EIF5: variants seen among roughly 807,000 people sequenced by gnomAD.
EIF5 encodes the protein eukaryotic translation initiation factor 5.
In EIF5, 10 loss-of-function variants were observed where a neutral mutation model predicts 48.3. The observed-to-expected ratio is 0.21, with a 90% CI of 0.13 to 0.35. The LOEUF is 0.35. EIF5 is among the 10% of genes least tolerant of loss of function. EIF5 has a pLI of 1.00. For missense variants in EIF5, 397 were observed against 533.2 expected, an observed-to-expected ratio of 0.74 and a Z score of 2.51; for synonymous variants, 237 against 173.1, an observed-to-expected ratio of 1.37 and a Z score of -2.90.
chr14:103,339,025 A>G, intron 8 of EIF5, 132 bp downstream of exon 8: 1 of 1,479,388 alleles, frequency 6.8e-7, no homozygotes. Context: ...TCATTTAAAT[A>G]TTTTTTGCGC....
chr14:103,339,610 A>G (rs746314881), intron 9 of EIF5, 29 bp from the exon 10 acceptor site: 2 of 1,613,656 alleles, frequency 1.2e-6, no homozygotes, highest in Non-Finnish European at 1.7e-6. Context: ...CATAAAAAAG[A>G]TTGTTAACAC....
rs754805671 is a variant in EIF5, at chr14:103,342,023, AGTTT to A, written c.*975_*978del. ...TGTGGCTTTAATTTTCCCCTCTTGCAGTTTGTTCTGTAATGCCTTTTACATTTGG... is the reference window on the plus strand; with the variant it reads ...TGTGGCTTTAATTTTCCCCTCTTGCAGTTCTGTAATGCCTTTTACATTTGG... On this transcript the variant is annotated 3_prime_UTR_variant, in exon 12 of 12. Transcript: ENST00000216554. The A allele has an allele frequency of 1.3e-5, 2 of 152,522 alleles. No individual in the cohort carries two copies. The highest frequency in any genetic ancestry group is 1.3e-4 in the Admixed American group (2 of 15,268). 9.4% of individuals were successfully genotyped at this position (152,522 alleles called of 1,614,324 possible). A position where few individuals can be genotyped will look rare whatever the true frequency, so the allele number is the denominator to read the frequency against.
chr14:103,337,852 C>A (rs1397736557), intron 6 of EIF5: 8 of 517,398 alleles, frequency 1.5e-5, no homozygotes, highest in South Asian at 1.1e-4. Flanking sequence ...ATATTGCAAG[C>A]AACACTCTGT....
chr14:103,339,507 A>ATG (rs2089328100), intron 9 of EIF5, 132 bp from the exon 10 acceptor site: 1 of 1,431,956 alleles, frequency 7.0e-7, no homozygotes, highest in South Asian at 1.3e-5. Flanking sequence ...AGTAACAGGG[A>ATG]TGTTTATGCA....
Position 103,344,465 on chromosome 14 carries a change from T to C in EIF5, c.*3413T>C, listed in dbSNP as rs140854290. The C allele has an allele frequency of 0.013, 2,012 of 152,252 alleles. 24 individuals carry two copies. The highest frequency in any genetic ancestry group is 0.019 in the Non-Finnish European group (1,306 of 68,036). 9.4% of individuals were successfully genotyped at this position (152,252 alleles called of 1,614,324 possible). A position where few individuals can be genotyped will look rare whatever the true frequency, so the allele number is the denominator to read the frequency against. On this transcript the variant is annotated 3_prime_UTR_variant, in exon 12 of 12. Coordinates refer to ENST00000216554, the MANE Select transcript of EIF5 (RefSeq NM_001969.5). ...GGTTATGCAGTCAATTATTTCTTTT[T>C]AAGAGGAGGAGGATTCACTTGGGTG...
chr14:103,340,313 T>G (rs1331952339), intron 10 of EIF5, 114 bp from the exon 11 acceptor site: 5 of 1,142,858 alleles, frequency 4.4e-6, no homozygotes, highest in Non-Finnish European at 6.3e-6. Flanking sequence ...TGATTCTGTT[T>G]GAGGATTCAG....
In EIF5 at chr14:103,343,655, A is replaced by G. The variant is rs1275285564; in HGVS notation, c.*2603A>G. 1 of 152,206 alleles carries G rather than the reference A, an allele frequency of 6.6e-6. No individual in the cohort carries two copies. The highest frequency in any genetic ancestry group is 2.4e-5 in the African/African-American group (1 of 41,444). The allele number at this position is 152,206 out of a possible 1,614,324, so 9.4% of individuals were successfully genotyped here. ...AGCTGTTTGTTCCAGTGTACCAAGCACTGACTTTATGCCTTTGGCCTGGAG... is the reference window on the plus strand; with the variant it reads ...AGCTGTTTGTTCCAGTGTACCAAGCGCTGACTTTATGCCTTTGGCCTGGAG... On this transcript the variant is annotated 3_prime_UTR_variant, in exon 12 of 12. Coordinates refer to ENST00000216554, the MANE Select transcript of EIF5 (RefSeq NM_001969.5).
rs1244757369 is a variant in EIF5, at chr14:103,341,103, A to G, written c.*51A>G. 1.3e-6 allele frequency: 2 copies of G among 1,563,346 alleles called. No individual in the cohort carries two copies. Among genetic ancestry groups the G allele is most frequent in the Non-Finnish European group, 1.8e-6 (2 of 1,135,030 alleles). On this transcript the variant is annotated 3_prime_UTR_variant, in exon 12 of 12. Coordinates refer to ENST00000216554, the MANE Select transcript of EIF5 (RefSeq NM_001969.5). ...AGTATAATGCTGCAAATTTTCCTCC[A>G]TTATCAGCCAGAAGTGCAACATGTA... is the stretch of plus-strand genomic sequence containing the variant.
rs1041833782 is a variant in EIF5, at chr14:103,344,098, T to A, written c.*3046T>A. 2.0e-5 allele frequency: 3 copies of A among 152,188 alleles called. No individual in the cohort carries two copies. The highest frequency in any genetic ancestry group is 1.3e-4 in the Admixed American group (2 of 15,282). 9.4% of individuals were successfully genotyped at this position (152,188 alleles called of 1,614,324 possible). A position where few individuals can be genotyped will look rare whatever the true frequency, so the allele number is the denominator to read the frequency against. Reference sequence around the variant, plus strand: ...CAGGGAGTCACTTTGGTCATCTCTGTCCCCAGTACAGATCTTGATTCATAG... The same window carrying A: ...CAGGGAGTCACTTTGGTCATCTCTGACCCCAGTACAGATCTTGATTCATAG... On this transcript the variant is annotated 3_prime_UTR_variant, in exon 12 of 12. Transcript: ENST00000216554.
intron 8 of EIF5, 61 bp from the exon 9 acceptor site, chr14:103,339,111 G>T: frequency 6.4e-7 from 1 of 1,550,574 alleles, no homozygotes; most frequent in Non-Finnish European, 8.7e-7. Flanking sequence ...GGACTGGCTG[G>T]TGTCTTGAGC....
In EIF5 at chr14:103,337,285, C is replaced by A. The variant is rs143266217; in HGVS notation, c.439+58C>A. On this transcript the variant is annotated intron_variant, in intron 6 of 11. Coordinates refer to ENST00000216554, the MANE Select transcript of EIF5 (RefSeq NM_001969.5). Reference sequence around the variant, plus strand: ...AAGATAAGTTACTAACTGTTGGGAACAAAATAGAAGGTTTTTTTGTAATAG... The same window carrying A: ...AAGATAAGTTACTAACTGTTGGGAAAAAAATAGAAGGTTTTTTTGTAATAG... The A allele has an allele frequency of 1.0e-3, 1,481 of 1,431,068 alleles. 13 individuals carry two copies. The African/African-American group carries it at 0.019, about 18-fold the overall frequency. The allele number at this position is 1,431,068 out of a possible 1,614,324, so 88.6% of individuals were successfully genotyped here. A position where few individuals can be genotyped will look rare whatever the true frequency, so the allele number is the denominator to read the frequency against.
intron 5 of EIF5, 59 bp from the exon 6 acceptor site, chr14:103,337,057 T>G: frequency 2.0e-6 from 3 of 1,488,442 alleles, no homozygotes; most frequent in Non-Finnish European, 2.7e-6. Context: ...GGTTTAGATG[T>G]CCTCTGATTA....
chr14:103,338,382 C>T lies in EIF5; in HGVS notation c.495C>T (p.Gly165=), dbSNP rs1306394089. ...KKEKEKKNRK[G]KDKENGSVSS... ...AAAAAGAAAAGAAAAACAGAAAGGGCAAAGACAAGGAAAATGGCTCCGTAT... is the reference window on the plus strand; with the variant it reads ...AAAAAGAAAAGAAAAACAGAAAGGGTAAAGACAAGGAAAATGGCTCCGTAT... Residue 165 remains glycine, a synonymous_variant, in exon 7 of 12, where the codon GGC becomes GGT. Transcript: ENST00000216554. The T allele has an allele frequency of 1.2e-6, 2 of 1,613,422 alleles. No individual in the cohort carries two copies. The highest frequency in any genetic ancestry group is 1.7e-5 in the Admixed American group (1 of 59,946).
At chr14:103,337,944 T>G (rs768231628) in intron 6 of EIF5, 2 of 530,380 alleles carry the variant, frequency 3.8e-6, no homozygotes, top group Non-Finnish European at 7.5e-6. Flanking sequence ...CTCTCTCCCA[T>G]GAGACAAGCC....
chr14:103,340,971 T>C lies in EIF5; in HGVS notation c.1215T>C (p.Tyr405=), dbSNP rs2140363084. The change falls in exon 12 of 12, where the codon TAT becomes TAC. Residue 405 remains tyrosine (Y), a synonymous_variant. Coordinates refer to ENST00000216554, the MANE Select transcript of EIF5 (RefSeq NM_001969.5). ...EDEDENIEVV[Y]SKAASVPKVE... Reference sequence around the variant, plus strand: ...ATCATTCCTCTTAACAGGTGGTGTATTCGAAGGCTGCCAGTGTACCGAAAG... The same window carrying C: ...ATCATTCCTCTTAACAGGTGGTGTACTCGAAGGCTGCCAGTGTACCGAAAG... 6.2e-7 allele frequency: 1 copy of C among 1,614,058 alleles called. No homozygotes were observed. The highest frequency in any genetic ancestry group is 1.7e-4 in the Middle Eastern group (1 of 6,060).
At chr14:103,339,986 G>A (rs1160655450) in intron 10 of EIF5, among the ~76,000 whole-genome samples, 183 bp downstream of exon 10, 1 of 152,148 alleles carries the variant, frequency 6.6e-6, no homozygotes, top group Admixed American at 6.5e-5. Flanking sequence ...AGCCTCCCAA[G>A]TAGCTGGGAT....
chr14:103,336,936 A>G, intron 5 of EIF5, 87 bp downstream of exon 5: 1 of 1,471,504 alleles, frequency 6.8e-7, no homozygotes, highest in Non-Finnish European at 9.1e-7. Context: ...AGGCAGAGCA[A>G]ATGTAATTTT....
At position 103,337,196 on chromosome 14, in the gene EIF5, A is replaced by G; in HGVS notation, c.408A>G (p.Lys136=). 6.2e-7 allele frequency: 1 copy of G among 1,613,288 alleles called. No homozygotes were observed. Among genetic ancestry groups the G allele is most frequent in the East Asian group, 2.2e-5 (1 of 44,868 alleles). Residue 136 remains lysine, a synonymous_variant, in exon 6 of 12, where the codon AAA becomes AAG. Coordinates refer to ENST00000216554, the MANE Select transcript of EIF5 (RefSeq NM_001969.5). ...GAGGCATGCTTGACACACATCATAA[A>G]CTCTGCACATTCATTCTCAAAAACC... The part of the protein sequence containing the change: ...GYRGMLDTHH[K]LCTFILKNPP...
chr14:103,339,121 C>G, intron 8 of EIF5, 51 bp from the exon 9 acceptor site: 1 of 1,562,070 alleles, frequency 6.4e-7, no homozygotes, highest in Non-Finnish European at 8.6e-7. Flanking sequence ...GTGTCTTGAG[C>G]CTGGCAAAGT....
Sources: gnomAD v4.1 joint callset for allele counts (sites outside exome capture counted in the v4.1 genomes callset) on GRCh38, gnomAD v4.1.1 for gene constraint, MANE v1.5 for transcripts, NCBI Gene and HGNC (gene_info 2026-07-23, HGNC 2026-07-21) for gene names.